PTPN23: variants seen among roughly 807,000 people sequenced by gnomAD.
PTPN23 encodes the protein tyrosine-protein phosphatase non-receptor type 23.
Under a neutral mutation model 156.3 loss-of-function variants are expected in PTPN23, and 72 were observed. The ratio of observed to expected loss-of-function variants is 0.46; its 90% CI spans 0.38 to 0.56. The LOEUF is 0.56. Ranked by LOEUF, PTPN23 falls within the 20% of genes least tolerant of loss-of-function variation. The probability of loss-of-function intolerance (pLI) is 0.00; values close to 1 mark genes in which losing one functional copy is unlikely to be tolerated. For missense variants in PTPN23, 1,974 were observed against 2,171.5 expected, an observed-to-expected ratio of 0.91 and a Z score of 1.81; for synonymous variants, 957 against 899.6, an observed-to-expected ratio of 1.06 and a Z score of -1.14.
At chr3:47,408,097 G>A in intron 14 of PTPN23, 142 bp downstream of exon 14, 1 of 1,063,564 alleles carries the variant, frequency 9.4e-7, no homozygotes, top group South Asian at 1.4e-5. Flanking sequence ...GCCTGGGGTG[G>A]TGGGGCTAGT....
intron 1 of PTPN23, among the ~76,000 whole-genome samples, chr3:47,391,807 G>A (rs1291581548): frequency 6.6e-6 from 1 of 152,150 alleles, no homozygotes; most frequent in Non-Finnish European, 1.5e-5. Context: ...ACCTCTTACT[G>A]CAAGGGAGTT....
chr3:47,410,471 C>T lies in PTPN23; in HGVS notation c.2673C>T (p.Ile891=), dbSNP rs760796648. The T allele has an allele frequency of 6.2e-7, 1 of 1,609,974 alleles. No individual in the cohort carries two copies. The highest frequency in any genetic ancestry group is 1.1e-5 in the South Asian group (1 of 90,618). ...TTTVDSIQAP[I]PSHTAPRPNP... ...CAGTAGATAGCATCCAGGCGCCCAT[C>T]CCCAGCCACACAGCCCCACGGCCAA... Residue 891 remains isoleucine (I), a synonymous_variant, in exon 20 of 25, where the codon ATC becomes ATT. Transcript: ENST00000265562.
chr3:47,403,055 C>CTTTTTTTTTT (rs1007913831), intron 2 of PTPN23, among the ~76,000 whole-genome samples: 1 of 138,478 alleles, frequency 7.2e-6, no homozygotes, highest in Non-Finnish European at 1.6e-5. Context: ...TTGTTACATT[C>CTTTTTTTTTT]TTTTTTTTTT....
chr3:47,385,859 C>G (rs1424660140), intron 1 of PTPN23, among the ~76,000 whole-genome samples: 1 of 152,200 alleles, frequency 6.6e-6, no homozygotes, highest in East Asian at 1.9e-4. Flanking sequence ...ACTTTCCCAT[C>G]AGGCTGCTCA....
intron 2 of PTPN23, among the ~76,000 whole-genome samples, chr3:47,401,003 C>T (rs751834112): frequency 3.4e-5 from 5 of 148,634 alleles, no homozygotes; most frequent in East Asian, 2.0e-4. Flanking sequence ...CCCGGGTTCA[C>T]GCCATTCTTC....
At chr3:47,397,970 CTGG>C (rs1431693943) in intron 2 of PTPN23, among the ~76,000 whole-genome samples, 9 of 152,238 alleles carry the variant, frequency 5.9e-5, no homozygotes, top group African/African-American at 2.2e-4. Flanking sequence ...CGCGCCCCGC[CTGG>C]TGAAGATATT....
chr3:47,411,833 C>T lies in PTPN23; in HGVS notation c.3939C>T (p.His1313=), dbSNP rs147051006. 179 of 1,612,940 alleles carry T rather than the reference C, an allele frequency of 1.1e-4. 1 individual carries two copies. The highest frequency in any genetic ancestry group is 4.2e-4 in the East Asian group (19 of 44,856). ...CCGAGAGGGGCCAGCCCATGGTGCA[C>T]GGTGCCCTGAGCCTGGCATTGAGCA... is the stretch of plus-strand genomic sequence containing the variant. ...FPTERGQPMV[H]GALSLALSSV... Residue 1313 remains histidine, a synonymous_variant, in exon 21 of 25, where the codon CAC becomes CAT. Transcript: ENST00000265562. This position sits in a 1 kb window ranked among gnomAD's most constrained non-coding sequence, Gnocchi z 6.3.
intron 2 of PTPN23, among the ~76,000 whole-genome samples, chr3:47,400,966 A>ATG (rs1190439778): frequency 4.1e-5 from 6 of 144,914 alleles, no homozygotes; most frequent in Middle Eastern, 4.2e-3. Context: ...GCAGTGGCGC[A>ATG]ATCTCGGCTT....
chr3:47,409,869 G>A, intron 19 of PTPN23, 35 bp downstream of exon 19: 1 of 1,596,614 alleles, frequency 6.3e-7, no homozygotes, highest in Non-Finnish European at 8.5e-7. Flanking sequence ...TGCGGCTCGG[G>A]TCCAGACAGG....
At position 47,410,951 on chromosome 3, in the gene PTPN23, T is replaced by C. The variant is rs747462573; in HGVS notation, c.3153T>C (p.Tyr1051=). 1 of 1,605,626 alleles carries C rather than the reference T, an allele frequency of 6.2e-7. No individual in the cohort carries two copies. The highest frequency in any genetic ancestry group is 1.7e-5 in the Admixed American group (1 of 59,700). The stretch of plus-strand genomic sequence containing the variant: ...AGCCTCCCCATCCCCCACTGGCATA[T>C]GGTCCTGCCCCTTCTACCAGACCCA... ...PPQPPHPPLA[Y]GPAPSTRPMG... is the part of the protein sequence containing the mutation. Residue 1051 remains tyrosine, a synonymous_variant, in exon 20 of 25, where the codon TAT becomes TAC. Coordinates refer to ENST00000265562, the MANE Select transcript of PTPN23 (RefSeq NM_015466.4).
rs1705097827 is a variant in PTPN23, at chr3:47,405,358, TG to T, written c.364+279del. 1.8e-6 allele frequency: 1 copy of T among 543,578 alleles called. No individual in the cohort carries two copies. The highest frequency in any genetic ancestry group is 3.2e-5 in the Admixed American group (1 of 31,690). The allele number at this position is 543,578 out of a possible 1,614,324, so 33.7% of individuals were successfully genotyped here. A position where few individuals can be genotyped will look rare whatever the true frequency, so the allele number is the denominator to read the frequency against. ...GGAGAGAGGGCCTTTCTTCTTTGAC[TG>T]GACAGCCCCTCCCCACTGTGGTTTT... On this transcript the variant is annotated intron_variant, in intron 4 of 24. Transcript: ENST00000265562. This position sits in a 1 kb window ranked among gnomAD's most constrained non-coding sequence, Gnocchi z 4.7.
At chr3:47,400,511 G>A (rs1180604889) in intron 2 of PTPN23, among the ~76,000 whole-genome samples, 1 of 152,210 alleles carries the variant, frequency 6.6e-6, no homozygotes, top group African/African-American at 2.4e-5. Context: ...TGGATCTGGA[G>A]GGGAGACTGC....
chr3:47,397,228 T>C (rs1283250491), intron 2 of PTPN23, among the ~76,000 whole-genome samples: 1 of 152,234 alleles, frequency 6.6e-6, no homozygotes, highest in Non-Finnish European at 1.5e-5. Flanking sequence ...AATAAAAAAG[T>C]TTGAAATATT....
Position 47,381,085 on chromosome 3 carries a change from G to C in PTPN23, c.-12G>C, listed in dbSNP as rs971055839. Reference sequence around the variant, plus strand: ...ACGGGAGTGGCCGGGTGGCCGGCGGGTGCCAGCCGCCATGGAGGCCGTGCC... The same window carrying C: ...ACGGGAGTGGCCGGGTGGCCGGCGGCTGCCAGCCGCCATGGAGGCCGTGCC... On this transcript the variant is annotated 5_prime_UTR_variant, in exon 1 of 25. Transcript: ENST00000265562. 3.8e-6 allele frequency: 6 copies of C among 1,563,934 alleles called. No individual in the cohort carries two copies. The highest frequency in any genetic ancestry group is 1.7e-4 in the Middle Eastern group (1 of 6,004).
rs1476825785 is a variant in PTPN23, at chr3:47,408,753, G to A, written c.1331-23G>A. 3 of 1,566,060 alleles carry A rather than the reference G, an allele frequency of 1.9e-6. No homozygotes were observed. The Admixed American group carries it at 5.3e-5, about 28-fold the overall frequency. The stretch of plus-strand genomic sequence containing the variant: ...GCCCGGTCAGCCTGCCTCAGGGGCT[G>A]CCTGTACAATCCACAACCCCAGTGC... On this transcript the variant is annotated intron_variant, in intron 15 of 24. Transcript: ENST00000265562.
At position 47,410,545 on chromosome 3, in the gene PTPN23, A is replaced by G. The variant is rs770692989; in HGVS notation, c.2747A>G (p.Gln916Arg). ...CCCTGCTTCCCTGTGCCCCCACCGC[A>G]GCCACTGCCCACGCCTTACACCTAC... is the stretch of plus-strand genomic sequence containing the variant. ...PPPCFPVPPP[Q>R]PLPTPYTYPA... Residue 916 changes from glutamine (Q) to arginine (R), a missense_variant, in exon 20 of 25, where the codon CAG becomes CGG. By Grantham distance (43) the Gln-to-Arg change is conservative. Transcript: ENST00000265562. The G allele has an allele frequency of 3.4e-5, 44 of 1,297,068 alleles. No individual in the cohort carries two copies. The highest frequency in any genetic ancestry group is 2.1e-4 in the Middle Eastern group (1 of 4,706). The allele number at this position is 1,297,068 out of a possible 1,614,324, so 80.3% of individuals were successfully genotyped here.
At chr3:47,391,827 A>G (rs1272447795) in intron 1 of PTPN23, among the ~76,000 whole-genome samples, 1 of 152,208 alleles carries the variant, frequency 6.6e-6, no homozygotes, top group South Asian at 2.1e-4. Context: ...TAACCACAGA[A>G]CATTCTCTCA....
chr3:47,408,792 C>T lies in PTPN23; in HGVS notation c.1347C>T (p.Phe449=). 1 of 1,598,788 alleles carries T rather than the reference C, an allele frequency of 6.3e-7. No homozygotes were observed. The highest frequency in any genetic ancestry group is 1.1e-5 in the South Asian group (1 of 87,628). The change falls in exon 16 of 25, where the codon TTC becomes TTT. Residue 449 remains phenylalanine (F), a synonymous_variant. Transcript: ENST00000265562. ...VQSMQVLSGV[F]TDVEASLKDI... ...CAACCCCAGTGCTGTCAGGTGTGTT[C>T]ACGGATGTGGAGGCTTCCCTGAAGG... is the stretch of plus-strand genomic sequence containing the variant.
chr3:47,409,987 G>T lies in PTPN23; in HGVS notation c.2189G>T (p.Arg730Met). The T allele has an allele frequency of 6.3e-7, 1 of 1,597,370 alleles. No homozygotes were observed. Among genetic ancestry groups the T allele is most frequent in the South Asian group, 1.1e-5 (1 of 88,772 alleles). Residue 730 changes from arginine (R) to methionine (M), a missense_variant, in exon 20 of 25, where the codon AGG (arginine) becomes ATG (methionine). Physicochemically the swap from Arg to Met is moderately conservative, Grantham distance 91 (BLOSUM62 -1). This residue lies in a region of PTPN23 where 731 missense variants were observed against 669.1 expected (regional missense o/e 1.09). Transcript: ENST00000265562. ...PTAPKPLLPR[R>M]EESEAVEAGD... ...GCCCCAAAGCCGCTGCTGCCCCGCA[G>T]GGAGGAGAGTGAGGCAGTGGAAGCA... is the stretch of plus-strand genomic sequence containing the variant.
Sources: gnomAD v4.1 joint callset for allele counts (sites outside exome capture counted in the v4.1 genomes callset) on GRCh38, gnomAD v4.1.1 for gene constraint, gnomAD v4.1.1 regional missense constraint, Gnocchi (gnomAD v3.1) non-coding constraint, MANE v1.5 for transcripts, NCBI Gene and HGNC (gene_info 2026-07-23, HGNC 2026-07-21) for gene names.